The following TNR variants were observed in gnomAD, a reference collection of about 807,000 sequenced individuals.
The protein encoded by TNR is tenascin-R.
In TNR, 45 loss-of-function variants were observed where a neutral mutation model predicts 150.4. The ratio of observed to expected loss-of-function variants is 0.30; its 90% confidence interval spans 0.24 to 0.38. The LOEUF (loss-of-function observed/expected upper bound fraction) is 0.38, where lower values mean the gene tolerates loss of function less well. Ranked by LOEUF, TNR falls within the 10% of genes least tolerant of loss-of-function variation. The pLI, the probability that TNR is intolerant of heterozygous loss-of-function variation, is 1.00. For synonymous variants in TNR, 687 were observed against 678.4 expected (o/e 1.01, Z -0.20); for missense variants, 1,544 against 1,759.1 (o/e 0.88, Z 2.19).
rs770550910 is a variant in TNR at position 175,406,241 on chromosome 1, G to A, written c.474C>T (p.Asn158=). The A allele has an allele frequency of 7.4e-6, 12 of 1,614,104 alleles. No individual in the cohort carries two copies. The Admixed American group carries it at 1.3e-4, about 18-fold the overall frequency. ...CTGTGGCAGCACTTTCTTGGCAGCA[G>A]TTGGCGTTGCACTGGTCTCGCAGCA... is the stretch of plus-strand genomic sequence containing the variant. ...VSVLRDQCNA[N]CCQESAATGQ... is the part of the protein sequence containing the mutation. The change falls in exon 3 of 23, where the codon AAC becomes AAT. Residue 158 remains asparagine, a synonymous_variant. Transcript: ENST00000367674.
intron 1 of TNR, among the ~76,000 whole-genome samples, chr1:175,573,532 T>C (rs1212076142): frequency 6.6e-6 from 1 of 152,228 alleles, no homozygotes; most frequent in Admixed American, 6.5e-5. Context: ...ACAGGTGAGT[T>C]AGCAAATGCT....
intron 2 of TNR, among the ~76,000 whole-genome samples, chr1:175,441,378 T>G (rs745974199): frequency 1.2e-4 from 18 of 152,208 alleles, no homozygotes; most frequent in Non-Finnish European, 2.4e-4. Context: ...ATATAATAGA[T>G]GAGTGCTTTC....
chr1:175,464,196 A>G (rs1557949834), intron 2 of TNR, among the ~76,000 whole-genome samples: 1 of 152,240 alleles, frequency 6.6e-6, no homozygotes, highest in Non-Finnish European at 1.5e-5. Context: ...TGATAATAAG[A>G]CAAAGCCCAA....
At chr1:175,683,982 C>G (rs12405179) in intron 1 of TNR, among the ~76,000 whole-genome samples, 69,308 of 151,968 alleles carry the variant, frequency 0.46, 16,762 homozygotes, top group East Asian at 0.92. Context: ...AGCCAGCCTG[C>G]TCCGGGAGCT....
intron 2 of TNR, among the ~76,000 whole-genome samples, chr1:175,418,628 A>T (rs935159647): frequency 1.3e-5 from 2 of 152,000 alleles, no homozygotes; most frequent in African/African-American, 4.8e-5. Flanking sequence ...AGGCTGAGGC[A>T]TGAGAGAATT....
intron 1 of TNR, among the ~76,000 whole-genome samples, chr1:175,677,918 G>A (rs1360394833): frequency 6.6e-6 from 1 of 152,040 alleles, no homozygotes; most frequent in East Asian, 1.9e-4. Context: ...ACAGAGAGAG[G>A]AAAGAGAAGC....
chr1:175,493,483 T>C (rs566917359), intron 2 of TNR, among the ~76,000 whole-genome samples: 1 of 152,332 alleles, frequency 6.6e-6, no homozygotes, highest in African/African-American at 2.4e-5. Flanking sequence ...CTTGATGTGC[T>C]AGGAGGAGCT....
chr1:175,602,241 C>T (rs1014767374), intron 1 of TNR, among the ~76,000 whole-genome samples: 2 of 147,374 alleles, frequency 1.4e-5, no homozygotes, highest in South Asian at 2.2e-4. Flanking sequence ...AATAGCGTTC[C>T]TGTAATTGTC....
intron 2 of TNR, among the ~76,000 whole-genome samples, chr1:175,475,327 C>T (rs906445223): frequency 2.6e-5 from 4 of 152,192 alleles, no homozygotes; most frequent in African/African-American, 9.7e-5. Flanking sequence ...CTTATGATCT[C>T]TATCATCAAA....
intron 1 of TNR, among the ~76,000 whole-genome samples, chr1:175,695,560 T>A (rs1189646455): frequency 6.6e-6 from 1 of 152,190 alleles, no homozygotes; most frequent in Non-Finnish European, 1.5e-5. Flanking sequence ...CATTCACCAC[T>A]CTTGTCTTGC....
At chr1:175,329,289 A>T (rs1649583267) in intron 21 of TNR, among the ~76,000 whole-genome samples, 1 of 152,244 alleles carries the variant, frequency 6.6e-6, no homozygotes. Context: ...TATTTGAAAA[A>T]GCAGGTTTTG....
At chr1:175,685,049 T>C (rs1357923252) in intron 1 of TNR, among the ~76,000 whole-genome samples, 1 of 152,182 alleles carries the variant, frequency 6.6e-6, no homozygotes, top group African/African-American at 2.4e-5. Flanking sequence ...CTAAGTTATA[T>C]TAGATCTGAC....
At position 175,392,990 on chromosome 1, in the gene TNR, A is replaced by G. The variant is rs1653251494; in HGVS notation, c.1356+790T>C. Among the ~76,000 whole-genome samples the G allele has an allele frequency of 2.6e-5, 4 of 152,180 alleles. No individual in the cohort carries two copies. In the South Asian group the frequency reaches 8.3e-4, roughly 32 times the overall value. On this transcript the variant is annotated intron_variant, in intron 6 of 22. Transcript: ENST00000367674. Reference sequence around the variant, plus strand: ...TGTCATTTGTCATTAAGTCTGATGAATGGCTAAAAAATGTTCTTTGATGTT... The same window carrying G: ...TGTCATTTGTCATTAAGTCTGATGAGTGGCTAAAAAATGTTCTTTGATGTT...
Position 175,403,015 on chromosome 1 carries a change from C to T in TNR, c.976+125G>A, listed in dbSNP as rs570919776. On this transcript the variant is annotated intron_variant, in intron 4 of 22. Coordinates refer to ENST00000367674, the MANE Select transcript of TNR (RefSeq NM_003285.3). ...TCTTGGAAAGCAAATGAGTACAACT[C>T]AATTGAGAATTATTTTGCCTAAACT... is the stretch of plus-strand genomic sequence containing the variant. 6.0e-6 allele frequency: 5 copies of T among 830,822 alleles called. No individual in the cohort carries two copies. The Admixed American group carries it at 6.7e-5, about 11-fold the overall frequency. The allele number at this position is 830,822 out of a possible 1,614,324, so 51.5% of individuals were successfully genotyped here.
intron 1 of TNR, among the ~76,000 whole-genome samples, chr1:175,681,684 A>G (rs141824715): frequency 6.6e-6 from 1 of 152,264 alleles, no homozygotes; most frequent in Non-Finnish European, 1.5e-5. Context: ...CCACCTGTAC[A>G]ACAGTGGGAG....
intron 1 of TNR, among the ~76,000 whole-genome samples, chr1:175,663,569 G>GA (rs1170893989): frequency 6.6e-6 from 1 of 152,034 alleles, no homozygotes; most frequent in Non-Finnish European, 1.5e-5. Context: ...GATAGGATGA[G>GA]AAAAAAAGCC....
intron 1 of TNR, among the ~76,000 whole-genome samples, chr1:175,699,769 G>GGAATAA (rs1666633090): frequency 6.6e-6 from 1 of 152,008 alleles, no homozygotes; most frequent in South Asian, 2.1e-4. Context: ...AAGGTTCAAG[G>GGAATAA]GTATGAGTAT....
At chr1:175,423,603 TTG>T (rs1654846122) in intron 2 of TNR, among the ~76,000 whole-genome samples, 1 of 152,132 alleles carries the variant, frequency 6.6e-6, no homozygotes, top group Non-Finnish European at 1.5e-5. Context: ...TTTTCCTGTG[TTG>T]TGTGGTCCCT....
At chr1:175,331,047 T>TTCTTTCTTTCTTTCTG (rs1649776444) in intron 20 of TNR, among the ~76,000 whole-genome samples, 8 of 91,082 alleles carry the variant, frequency 8.8e-5, no homozygotes, top group African/African-American at 3.0e-4. Context: ...CTTTCTTTCT[T>TTCTTTCTTTCTTTCTG]TCTTTCTTTC....
Sources: gnomAD v4.1 joint callset for allele counts (sites outside exome capture counted in the v4.1 genomes callset) on GRCh38, gnomAD v4.1.1 for gene constraint, MANE v1.5 for transcripts, NCBI Gene and HGNC (gene_info 2026-07-23, HGNC 2026-07-21) for gene names.